The following RBFOX1 variants were observed in gnomAD, a reference collection of about 807,000 sequenced individuals.
The protein encoded by RBFOX1 is RNA binding fox-1 homolog 1, also known as RNA binding protein fox-1 homolog 1.
In RBFOX1, 8 loss-of-function variants were observed where a neutral mutation model predicts 57.7. The observed-to-expected ratio is 0.14, with a 90% CI of 0.08 to 0.25. The LOEUF (loss-of-function observed/expected upper bound fraction) is 0.25. Ranked by LOEUF, RBFOX1 falls within the 10% of genes least tolerant of loss-of-function variation. The pLI is 1.00. For missense variants in RBFOX1, 611 were observed against 548.5 expected (o/e 1.11, Z -1.14); for synonymous variants, 326 against 222.4 (o/e 1.47, Z -4.15).
At chr16:6,543,973 AGAG>A (rs1056325342) in intron 2 of RBFOX1, among the ~76,000 whole-genome samples, 57 of 152,334 alleles carry the variant, frequency 3.7e-4, no homozygotes, top group African/African-American at 1.3e-3. Context: ...AAAGGTATAA[AGAG>A]GAGAAATGTT....
At chr16:7,528,225 C>T (rs1049337522) in intron 5 of RBFOX1, among the ~76,000 whole-genome samples, 4 of 152,172 alleles carry the variant, frequency 2.6e-5, no homozygotes, top group Non-Finnish European at 4.4e-5. Context: ...ATATTAGAGC[C>T]ATCTGACAAG....
intron 4 of RBFOX1, among the ~76,000 whole-genome samples, chr16:7,258,964 T>C (rs926166469): frequency 1.3e-5 from 2 of 152,232 alleles, no homozygotes; most frequent in Admixed American, 6.5e-5. Flanking sequence ...GTTTCACCTA[T>C]GACATATTGC....
intron 2 of RBFOX1, among the ~76,000 whole-genome samples, chr16:6,481,974 T>C (rs2095378004): frequency 6.6e-6 from 1 of 152,224 alleles, no homozygotes; most frequent in Non-Finnish European, 1.5e-5. Context: ...TGGATGATGG[T>C]TACATAAGGA....
intron 1 of RBFOX1, among the ~76,000 whole-genome samples, chr16:6,089,395 C>A (rs973059243): frequency 6.6e-6 from 1 of 152,064 alleles, no homozygotes; most frequent in Non-Finnish European, 1.5e-5. Context: ...GATTCAGATG[C>A]ACTAAAGAAA....
intron 8 of RBFOX1, 117 bp downstream of exon 8, chr16:7,595,758 TTATA>T (rs376848132): frequency 3.8e-5 from 15 of 390,920 alleles, no homozygotes; most frequent in East Asian, 3.8e-4. Context: ...CCCTCATTGT[TTATA>T]TATATATATA....
chr16:5,749,526 T>C (rs955551522), intron 3 of RBFOX1, among the ~76,000 whole-genome samples: 4 of 152,216 alleles, frequency 2.6e-5, no homozygotes, highest in Admixed American at 6.5e-5. Flanking sequence ...ATTTGGTCTT[T>C]TCACATAGTC....
rs59992730 is a variant in RBFOX1 at position 5,648,856 on chromosome 16, G to C, written c.318+49895G>C. Reference sequence around the variant, plus strand: ...AAGCAGGCGGATCACTTGAGGTCAGGAGTTTGAGTCCAGGCTGGCCAACAT... The same window carrying C: ...AAGCAGGCGGATCACTTGAGGTCAGCAGTTTGAGTCCAGGCTGGCCAACAT... On this transcript the variant is annotated intron_variant, in intron 3 of 19. Transcript: ENST00000641259. 5.7e-3 allele frequency among the ~76,000 whole-genome samples: 875 copies of C among 152,216 alleles called. 7 individuals are homozygous for C. The highest frequency in any genetic ancestry group is 0.02 in the African/African-American group (845 of 41,548).
intron 3 of RBFOX1, among the ~76,000 whole-genome samples, chr16:6,849,156 C>A (rs1044164996): frequency 1.3e-5 from 2 of 152,118 alleles, no homozygotes; most frequent in Non-Finnish European, 2.9e-5. Flanking sequence ...ACAAAGGAAC[C>A]AAGTAACTTG....
intron 1 of RBFOX1, among the ~76,000 whole-genome samples, chr16:6,181,035 C>T (rs1184005300): frequency 6.6e-6 from 1 of 152,110 alleles, no homozygotes; most frequent in Non-Finnish European, 1.5e-5. Context: ...AATTTCAGGC[C>T]ATTTTCAAAT....
intron 2 of RBFOX1, among the ~76,000 whole-genome samples, chr16:5,502,627 C>T (rs2043238652): frequency 6.6e-6 from 1 of 152,188 alleles, no homozygotes; most frequent in Non-Finnish European, 1.5e-5. Context: ...AAGGCGCCTC[C>T]AGCCTCTGTT....
chr16:6,569,634 C>T (rs1385009113), intron 2 of RBFOX1, among the ~76,000 whole-genome samples: 1 of 152,198 alleles, frequency 6.6e-6, no homozygotes, highest in Non-Finnish European at 1.5e-5. Flanking sequence ...GTTTCATGGG[C>T]TCTGTCAACC....
At chr16:5,396,884 G>C (rs1234072509) in intron 1 of RBFOX1, among the ~76,000 whole-genome samples, 1 of 152,182 alleles carries the variant, frequency 6.6e-6, no homozygotes, top group East Asian at 1.9e-4. Flanking sequence ...GATTTATAGA[G>C]ATTCTCAGCT....
At chr16:6,445,965 A>AT (rs56112217) in intron 2 of RBFOX1, among the ~76,000 whole-genome samples, 6,679 of 150,740 alleles carry the variant, frequency 0.044, 385 homozygotes, top group African/African-American at 0.13. Context: ...ACTTTTTTAA[A>AT]TTTTTTTTTA....
chr16:5,691,014 C>A (rs986609474), intron 3 of RBFOX1, among the ~76,000 whole-genome samples: 1 of 152,082 alleles, frequency 6.6e-6, no homozygotes, highest in Non-Finnish European at 1.5e-5. Flanking sequence ...CTCTTTACCC[C>A]AGAACAAAAT....
chr16:5,445,077 C>G (rs550606611), intron 1 of RBFOX1, among the ~76,000 whole-genome samples: 2 of 152,264 alleles, frequency 1.3e-5, no homozygotes, highest in East Asian at 3.9e-4. Context: ...GAAGACTCCT[C>G]TGGGTTACTC....
At chr16:6,498,345 C>T (rs1441086307) in intron 2 of RBFOX1, among the ~76,000 whole-genome samples, 1 of 151,562 alleles carries the variant, frequency 6.6e-6, no homozygotes. Flanking sequence ...GACTTATGAG[C>T]AGAAATATAT....
At chr16:7,493,394 C>T (rs1159784128) in intron 4 of RBFOX1, among the ~76,000 whole-genome samples, 1 of 152,184 alleles carries the variant, frequency 6.6e-6, no homozygotes, top group Non-Finnish European at 1.5e-5. Flanking sequence ...CAGTAACGCC[C>T]ACAAATCTGT....
intron 2 of RBFOX1, among the ~76,000 whole-genome samples, chr16:6,370,653 G>T (rs1388651399): frequency 6.6e-6 from 1 of 152,120 alleles, no homozygotes; most frequent in African/African-American, 2.4e-5. Context: ...TAGAGACAAA[G>T]TAATATAGTG....
rs113035037 is a variant in RBFOX1 at position 7,500,656 on chromosome 16, C to G, written c.28-17491C>G. 4.7e-4 allele frequency among the ~76,000 whole-genome samples: 71 copies of G among 152,312 alleles called. 2 individuals are homozygous for G. Among genetic ancestry groups the G allele is most frequent in the African/African-American group, 1.6e-3 (67 of 41,562 alleles). On this transcript the variant is annotated intron_variant, in intron 4 of 15. Transcript: ENST00000550418. Reference sequence around the variant, plus strand: ...GGGCATTTCACTGAGTTACCTGGCTCTCAGCTTCTTCCACTAAATAGATGT... The same window carrying G: ...GGGCATTTCACTGAGTTACCTGGCTGTCAGCTTCTTCCACTAAATAGATGT...
Sources: gnomAD v4.1 joint callset for allele counts (sites outside exome capture counted in the v4.1 genomes callset) on GRCh38, gnomAD v4.1.1 for gene constraint, MANE v1.5 for transcripts, NCBI Gene and HGNC (gene_info 2026-07-23, HGNC 2026-07-21) for gene names.